The following BEST1 variants were observed in gnomAD, a reference collection of about 807,000 sequenced individuals.
BEST1 encodes bestrophin-1.
In BEST1, 58 loss-of-function variants were observed where a neutral mutation model predicts 63.3. That is an observed-to-expected ratio of 0.92 (90% CI 0.74 to 1.14). The LOEUF is 1.14. Ranked by LOEUF, BEST1 falls within the 50% of genes most tolerant of loss-of-function variation. The pLI is 0.00. For missense variants in BEST1, 671 were observed against 740.1 expected (o/e 0.91, Z 1.08); for synonymous variants, 283 against 291.6 (o/e 0.97, Z 0.30).
In BEST1 at chr11:61,962,355, C is replaced by G; in HGVS notation, c.1201C>G (p.His401Asp). The G allele has an allele frequency of 6.2e-7, 1 of 1,614,182 alleles. No individual in the cohort carries two copies. Reference protein sequence around the residue: ...GRFLGLQSHDHHPPRANSRTK... With the variant: ...GRFLGLQSHDDHPPRANSRTK... ...CTTCCTAGGCCTGCAGTCCCATGAT[C>G]ACCATCCTCCCAGGGCAAACTCAAG... Residue 401 changes from histidine (H) to aspartate (D), a missense_variant, in exon 10 of 11, where the codon CAC becomes GAC. By Grantham distance (81) the His-to-Asp change is moderately conservative. Transcript: ENST00000378043.
chr11:61,955,687 TCGCCCCTCGCCCCC>T lies in BEST1; in HGVS notation c.248-22_248-9del. ...TGGGCTCTGGCCGCAGCCTGGCCCCTCGCCCCTCGCCCCCCGCCCCTCCTGCCCAGGCTTCTACG... is the reference window on the plus strand; with the variant it reads ...TGGGCTCTGGCCGCAGCCTGGCCCCTCGCCCCTCCTGCCCAGGCTTCTACG... On this transcript the variant is annotated splice_polypyrimidine_tract_variant and intron_variant, in intron 3 of 10. Coordinates refer to ENST00000378043, the MANE Select transcript of BEST1 (RefSeq NM_004183.4). 2.1e-6 allele frequency: 2 copies of T among 967,634 alleles called. No individual in the cohort carries two copies. The highest frequency in any genetic ancestry group is 1.4e-5 in the South Asian group (1 of 72,718). The allele number at this position is 967,634 out of a possible 1,614,324, so 59.9% of individuals were successfully genotyped here. A position where few individuals can be genotyped will look rare whatever the true frequency, so the allele number is the denominator to read the frequency against.
At chr11:61,959,761 C>G in intron 8 of BEST1, 131 bp from the exon 9 acceptor site, 1 of 1,394,694 alleles carries the variant, frequency 7.2e-7, no homozygotes, top group Non-Finnish European at 1.0e-6. Flanking sequence ...GGCAGGCACC[C>G]ATCTCCCCAT....
rs1215222780 is a variant in BEST1, at chr11:61,957,263, C to T, written c.637-124C>T. On this transcript the variant is annotated intron_variant, in intron 5 of 10. Transcript: ENST00000378043. The stretch of plus-strand genomic sequence containing the variant: ...ACACAAAGAGGTTTAGTGAGCTTCC[C>T]ATGGCCACACAGCCAGGAATGGACC... 3 of 1,029,920 alleles carry T rather than the reference C, an allele frequency of 2.9e-6. No homozygotes were observed. In the Admixed American group the frequency reaches 5.3e-5, roughly 18 times the overall value. The allele number at this position is 1,029,920 out of a possible 1,614,324, so 63.8% of individuals were successfully genotyped here. A position where few individuals can be genotyped will look rare whatever the true frequency, so the allele number is the denominator to read the frequency against.
chr11:61,958,545 A>G (rs894684136), intron 7 of BEST1: 2 of 925,828 alleles, frequency 2.2e-6, no homozygotes, highest in Non-Finnish European at 1.7e-6. Flanking sequence ...GGGCAAAAGA[A>G]TGAAACTCTA....
chr11:61,952,570 G>A (rs1940822343), intron 2 of BEST1, among the ~76,000 whole-genome samples: 2 of 147,358 alleles, frequency 1.4e-5, no homozygotes, highest in South Asian at 2.2e-4. Flanking sequence ...AGGTGCAAGC[G>A]ATTCTCCTGC....
intron 10 of BEST1, chr11:61,963,583 A>G (rs1942297723): frequency 2.9e-6 from 3 of 1,026,208 alleles, no homozygotes; most frequent in African/African-American, 3.4e-5. Context: ...GAGGAAGTGT[A>G]ACTTCCCTTT....
chr11:61,962,201 A>G (rs1346113319), intron 9 of BEST1, 54 bp from the exon 10 acceptor site: 6 of 1,594,124 alleles, frequency 3.8e-6, no homozygotes, highest in Non-Finnish European at 5.2e-6. Context: ...AAGTAAGGCC[A>G]GGTGTTGGTC....
chr11:61,955,669 T>C, intron 3 of BEST1, 49 bp from the exon 4 acceptor site: 1 of 1,525,310 alleles, frequency 6.6e-7, no homozygotes, highest in Non-Finnish European at 8.9e-7. Context: ...CCCTGGGCTC[T>C]GGCCGCAGCC....
rs573378042 is a variant in BEST1 at position 61,957,878 on chromosome 11, G to T, written c.715-268G>T. Among the ~76,000 whole-genome samples, 3 of 152,286 alleles carry T rather than the reference G, an allele frequency of 2.0e-5. No homozygotes were observed. In the South Asian group the frequency reaches 6.2e-4, roughly 32 times the overall value. On this transcript the variant is annotated intron_variant, in intron 6 of 10. Transcript: ENST00000378043. ...AATCCCAGCTACTTGGGAGGCTGAG[G>T]CAGGAGAATCGCTTGAACCCGGGAG...
chr11:61,952,016 C>T, intron 2 of BEST1, 58 bp downstream of exon 2: 1 of 1,587,144 alleles, frequency 6.3e-7, no homozygotes. Context: ...GGGCTGGGAG[C>T]TCCTGGGGGC....
rs2134480560 is a variant in BEST1, at chr11:61,964,086, T to C, written c.1740-18T>C. 2 of 1,613,688 alleles carry C rather than the reference T, an allele frequency of 1.2e-6. No individual in the cohort carries two copies. Among genetic ancestry groups the C allele is most frequent in the Non-Finnish European group, 1.7e-6 (2 of 1,179,874 alleles). On this transcript the variant is annotated intron_variant, in intron 10 of 10. Coordinates refer to ENST00000378043, the MANE Select transcript of BEST1 (RefSeq NM_004183.4). ...GGACCTTCCATACTTATGCTGTTAA[T>C]ACTTTCATTCTCACTAGGGATGAAG...
intron 9 of BEST1, 77 bp from the exon 10 acceptor site, chr11:61,962,178 G>A (rs901659175): frequency 4.2e-5 from 63 of 1,515,354 alleles, no homozygotes; most frequent in African/African-American, 2.3e-4. Context: ...AGAGAGGAGC[G>A]GGGGTAAGGG....
intron 9 of BEST1, chr11:61,961,577 A>C (rs1331751590): frequency 1.3e-5 from 2 of 153,756 alleles, no homozygotes; most frequent in Non-Finnish European, 2.9e-5. Flanking sequence ...TTATGGAGGG[A>C]GCTCAAACCC....
At chr11:61,955,697 C>T in intron 3 of BEST1, 21 bp from the exon 4 acceptor site, 6 of 1,538,586 alleles carry the variant, frequency 3.9e-6, no homozygotes, top group South Asian at 1.2e-5. Flanking sequence ...TCGCCCCTCG[C>T]CCCCCGCCCC....
Position 61,955,870 on chromosome 11 carries a change from C to G in BEST1, c.400C>G (p.Leu134Val), listed in dbSNP as rs753614067. The change falls in exon 4 of 11, where the codon CTG becomes GTG. Residue 134 changes from leucine (L) to valine (V), a missense_variant. Transcript: ENST00000378043. ...GCGCACGCTCATCCGCTACGCCAAC[C>G]TGGGCAACGTGCTCATCCTGCGCAG... The part of the protein sequence containing the change: ...LRRTLIRYAN[L>V]GNVLILRSVS... 5.4e-5 allele frequency: 84 copies of G among 1,550,514 alleles called. No homozygotes were observed. The highest frequency in any genetic ancestry group is 6.9e-5 in the Non-Finnish European group (79 of 1,146,934).
At chr11:61,965,152 T>G, downstream of BEST1, 1 of 1,602,354 alleles carries the variant, frequency 6.2e-7, no homozygotes, top group South Asian at 1.1e-5. Flanking sequence ...CCAACTAACC[T>G]AGAAGTCAGC....
chr11:61,952,303 A>AAGAGAG (rs35510371), intron 2 of BEST1, among the ~76,000 whole-genome samples: 1 of 147,106 alleles, frequency 6.8e-6, no homozygotes, highest in African/African-American at 2.5e-5. Context: ...TACATTAAAA[A>AAGAGAG]AGAGAGAGAG....
intron 5 of BEST1, 100 bp from the exon 6 acceptor site, chr11:61,957,287 C>A: frequency 1.7e-6 from 2 of 1,157,914 alleles, no homozygotes; most frequent in South Asian, 1.2e-5. Context: ...CAGGAATGGA[C>A]CATAGGTACC....
At chr11:61,963,369 T>C in intron 10 of BEST1, 1 of 1,267,192 alleles carries the variant, frequency 7.9e-7, no homozygotes, top group Non-Finnish European at 9.9e-7. Context: ...ACTGCCTCAC[T>C]CCTAGGAACT....
Sources: allele counts gnomAD v4.1 joint callset (sites outside exome capture counted in the v4.1 genomes callset), GRCh38; gene constraint gnomAD v4.1.1; transcripts MANE v1.5; gene names NCBI Gene and HGNC (gene_info 2026-07-23, HGNC 2026-07-21).